ZNF622: variants seen among roughly 807,000 people sequenced by gnomAD.
ZNF622 encodes the protein cytoplasmic 60S subunit biogenesis factor ZNF622.
In ZNF622, 34 loss-of-function variants were observed where a neutral mutation model predicts 49.7. The observed-to-expected ratio is 0.68, with a 90% CI of 0.52 to 0.91. The LOEUF (loss-of-function observed/expected upper bound fraction) is 0.91. Among genes scored for constraint, ZNF622 ranks in the 40% least tolerant of loss-of-function variants. The pLI is 0.00. For synonymous variants in ZNF622, 209 were observed against 228.7 expected, an observed-to-expected ratio of 0.91 and a Z score of 0.78; for missense variants, 569 against 616.4, an observed-to-expected ratio of 0.92 and a Z score of 0.81.
At position 16,463,119 on chromosome 5, in the gene ZNF622, G is replaced by A. The variant is rs1259479182; in HGVS notation, c.1038C>T (p.Phe346=). 1 of 1,602,818 alleles carries A rather than the reference G, an allele frequency of 6.2e-7. No homozygotes were observed. The highest frequency in any genetic ancestry group is 1.3e-5 in the African/African-American group (1 of 74,124). Residue 346 remains phenylalanine (F), a synonymous_variant, in exon 3 of 6, where the codon TTC becomes TTT. Transcript: ENST00000308683. This position sits in a 1 kb window ranked among gnomAD's most constrained non-coding sequence, Gnocchi z 4.2. ...CAAACTATGCTTACCTAAAATCATA[G>A]AAGTCTGCAAATTCCAAAGCAGCAT... The part of the protein sequence containing the change: ...DGDAALEFAD[F]YDFRSSYPDH...
chr5:16,465,264 C>T lies in ZNF622; in HGVS notation c.402G>A (p.Gln134=), dbSNP rs143623986. ...ACATGGACGGCTGGGCCTTGATGGC[C>T]TGCTGGATGGCCGCGTTCATGGCAT... is the stretch of plus-strand genomic sequence containing the variant. ...DKDAMNAAIQ[Q]AIKAQPSMSP... Residue 134 remains glutamine (Q), a synonymous_variant, in exon 1 of 6, where the codon CAG becomes CAA. Transcript: ENST00000308683. The surrounding 1 kb of genome is among the most constrained non-coding windows in gnomAD (Gnocchi z 6.2). The T allele has an allele frequency of 7.1e-5, 114 of 1,614,246 alleles. No homozygotes were observed. In the African/African-American group the frequency reaches 1.3e-3, roughly 18 times the overall value.
chr5:16,463,678 C>A lies in ZNF622; in HGVS notation c.690G>T (p.Val230=), dbSNP rs765177950. ...CTTCCTCCTCTGCATCCTGCTCCAC[C>A]ACATCGTCCATTGCTTCAGTATCCT... ...ECEDTEAMDD[V]VEQDAEEEEA... is the part of the protein sequence containing the mutation. The change falls in exon 2 of 6, where the codon GTG becomes GTT. Residue 230 remains valine, a synonymous_variant. Transcript: ENST00000308683. The surrounding 1 kb of genome is among the most constrained non-coding windows in gnomAD (Gnocchi z 4.2). The A allele has an allele frequency of 1.9e-6, 3 of 1,614,242 alleles. No homozygotes were observed. In the Admixed American group the frequency reaches 5.0e-5, roughly 27 times the overall value.
intron 4 of ZNF622, among the ~76,000 whole-genome samples, chr5:16,455,808 T>C (rs1350816326): frequency 6.6e-6 from 1 of 152,204 alleles, no homozygotes; most frequent in Non-Finnish European, 1.5e-5. Context: ...AATGGCTTCA[T>C]TACTCAATGC....
chr5:16,456,684 A>T (rs1375092319), intron 4 of ZNF622, among the ~76,000 whole-genome samples: 1 of 152,194 alleles, frequency 6.6e-6, no homozygotes, highest in Non-Finnish European at 1.5e-5. Flanking sequence ...GAGGAATAGC[A>T]CTACACACCT....
intron 4 of ZNF622, among the ~76,000 whole-genome samples, chr5:16,453,665 A>AAAATAG (rs1240059737): frequency 6.7e-6 from 1 of 149,632 alleles, no homozygotes; most frequent in East Asian, 2.0e-4. Flanking sequence ...GTCAGGATCT[A>AAAATAG]AAATAGAAAT....
At chr5:16,456,627 C>A (rs1048397944) in intron 4 of ZNF622, among the ~76,000 whole-genome samples, 4 of 152,062 alleles carry the variant, frequency 2.6e-5, no homozygotes, top group Admixed American at 6.6e-5. Flanking sequence ...AAAGAGGCAC[C>A]ACACATGTAA....
At position 16,463,421 on chromosome 5, in the gene ZNF622, T is replaced by A; in HGVS notation, c.886+61A>T. ...GAAAAATGCAAAACTAATGTTCCCT[T>A]GAGACCAGTCCCCCAATAATGTGAT... On this transcript the variant is annotated intron_variant, in intron 2 of 5. Coordinates refer to ENST00000308683, the MANE Select transcript of ZNF622 (RefSeq NM_033414.3). The surrounding 1 kb of genome is among the most constrained non-coding windows in gnomAD (Gnocchi z 4.2). 6.5e-7 allele frequency: 1 copy of A among 1,540,736 alleles called. No homozygotes were observed. Among genetic ancestry groups the A allele is most frequent in the Non-Finnish European group, 8.8e-7 (1 of 1,136,530 alleles).
chr5:16,455,272 T>C (rs1738008389), intron 4 of ZNF622, among the ~76,000 whole-genome samples: 2 of 152,338 alleles, frequency 1.3e-5, no homozygotes, highest in East Asian at 1.9e-4. Context: ...ACTATAAATA[T>C]TGTGGAAGTC....
chr5:16,451,893 C>T (rs1251684745), intron 5 of ZNF622, 109 bp from the exon 6 acceptor site: 4 of 1,385,590 alleles, frequency 2.9e-6, no homozygotes, highest in Non-Finnish European at 3.9e-6. Flanking sequence ...TAACTAGGTT[C>T]TTGTATTTAA....
chr5:16,452,913 G>A, intron 5 of ZNF622, 100 bp downstream of exon 5: 1 of 1,252,526 alleles, frequency 8.0e-7, no homozygotes, highest in Non-Finnish European at 1.0e-6. Context: ...TTCCCCTAGA[G>A]AGAATCCACA....
chr5:16,464,823 A>G (rs1014025979), intron 1 of ZNF622, among the ~76,000 whole-genome samples: 1 of 152,224 alleles, frequency 6.6e-6, no homozygotes, highest in African/African-American at 2.4e-5. Flanking sequence ...TTCTTTTTCC[A>G]GACAAGGTTT....
Position 16,463,533 on chromosome 5 carries a change from T to A in ZNF622, c.835A>T (p.Ile279Phe), listed in dbSNP as rs1288682887. Reference sequence around the variant, plus strand: ...TCTGAAAGATATTCTATATCAGGAATAAAGAAACTGTGGTCTTTGGTCATG... The same window carrying A: ...TCTGAAAGATATTCTATATCAGGAAAAAAGAAACTGTGGTCTTTGGTCATG... ...AHMTKDHSFF[I>F]PDIEYLSDIK... The change falls in exon 2 of 6, where the codon ATT becomes TTT. Residue 279 changes from isoleucine (I) to phenylalanine (F), a missense_variant. Transcript: ENST00000308683. The surrounding 1 kb of genome is among the most constrained non-coding windows in gnomAD (Gnocchi z 4.2). 6.2e-7 allele frequency: 1 copy of A among 1,614,164 alleles called. No individual in the cohort carries two copies.
chr5:16,463,518 A>G lies in ZNF622; in HGVS notation c.850T>C (p.Tyr284His). ...DHSFFIPDIE[Y>H]LSDIKGLIKY... The stretch of plus-strand genomic sequence containing the variant: ...ATCAGTCCCTTAATATCTGAAAGAT[A>G]TTCTATATCAGGAATAAAGAAACTG... Residue 284 changes from tyrosine to histidine, a missense_variant, in exon 2 of 6, where the codon TAT becomes CAT. By Grantham distance (83) the Tyr-to-His change is moderately conservative. Coordinates refer to ENST00000308683, the MANE Select transcript of ZNF622 (RefSeq NM_033414.3). The surrounding 1 kb of genome is among the most constrained non-coding windows in gnomAD (Gnocchi z 4.2). The G allele has an allele frequency of 6.2e-7, 1 of 1,613,416 alleles. No individual in the cohort carries two copies. The highest frequency in any genetic ancestry group is 8.5e-7 in the Non-Finnish European group (1 of 1,179,296).
intron 3 of ZNF622, among the ~76,000 whole-genome samples, chr5:16,459,685 C>T (rs1738091890): frequency 6.6e-6 from 1 of 152,164 alleles, no homozygotes; most frequent in African/African-American, 2.4e-5. Context: ...CTGAACAGAA[C>T]ACTCTGTAAC....
rs1271009429 is a variant in ZNF622, at chr5:16,451,780, C to A, written c.1311G>T (p.Ala437=). ...GCATGTCTCGCTCTCGCATAAGAGC[C>A]GCTCCTATGATTGGAAGGCAGTTAA... ...RALGWTGSTG[A]ALMRERDMQY... is the part of the protein sequence containing the mutation. Residue 437 remains alanine (A), a synonymous_variant, in exon 6 of 6, where the codon GCG becomes GCT. Coordinates refer to ENST00000308683, the MANE Select transcript of ZNF622 (RefSeq NM_033414.3). 1 of 1,611,748 alleles carries A rather than the reference C, an allele frequency of 6.2e-7. No individual in the cohort carries two copies. The highest frequency in any genetic ancestry group is 1.7e-5 in the Admixed American group (1 of 59,418).
At chr5:16,459,362 CTT>C (rs2126492909) in intron 3 of ZNF622, among the ~76,000 whole-genome samples, 1 of 152,318 alleles carries the variant, frequency 6.6e-6, no homozygotes, top group African/African-American at 2.4e-5. Flanking sequence ...CAAAAAGCCT[CTT>C]GATTGCAGTA....
intron 4 of ZNF622, among the ~76,000 whole-genome samples, chr5:16,456,221 C>T (rs1738021204): frequency 6.6e-6 from 1 of 152,168 alleles, no homozygotes; most frequent in African/African-American, 2.4e-5. Flanking sequence ...ATCCTCCTGC[C>T]TTAGCTGAGA....
At chr5:16,452,900 C>T (rs1737957419) in intron 5 of ZNF622, 113 bp downstream of exon 5, 3 of 1,171,814 alleles carry the variant, frequency 2.6e-6, no homozygotes, top group East Asian at 5.9e-5. Flanking sequence ...CAAGACGTTA[C>T]GTTTCCCCTA....
In ZNF622 at chr5:16,465,447, A is replaced by G. The variant is rs779505647; in HGVS notation, c.219T>C (p.Ser73=). 6.2e-7 allele frequency: 1 copy of G among 1,614,168 alleles called. No individual in the cohort carries two copies. The highest frequency in any genetic ancestry group is 2.2e-5 in the East Asian group (1 of 44,870). ...AGGCGTTGAAAGAGGCAAACTTCTT[A>G]CTGCAAACGGTGCAGTAGGTGGCCG... ...KGSATYCTVC[S]KKFASFNAYE... The change falls in exon 1 of 6, where the codon AGT becomes AGC. Residue 73 remains serine (S), a synonymous_variant. Transcript: ENST00000308683. This position sits in a 1 kb window ranked among gnomAD's most constrained non-coding sequence, Gnocchi z 6.2.
Sources: gnomAD v4.1 joint callset for allele counts (sites outside exome capture counted in the v4.1 genomes callset) on GRCh38, gnomAD v4.1.1 for gene constraint, Gnocchi (gnomAD v3.1) non-coding constraint, MANE v1.5 for transcripts, NCBI Gene and HGNC (gene_info 2026-07-23, HGNC 2026-07-21) for gene names.